The following AFDN variants were observed in gnomAD, a reference collection of about 807,000 sequenced individuals.
AFDN encodes afadin, adherens junction formation factor, also known as afadin.
AFDN carries 68 observed loss-of-function variants against 216.6 expected under a neutral mutation model. The ratio of observed to expected loss-of-function variants is 0.31; its 90% confidence interval spans 0.26 to 0.38. The LOEUF (loss-of-function observed/expected upper bound fraction) is 0.38. AFDN is among the 10% of genes least tolerant of loss of function. The probability of loss-of-function intolerance (pLI) is 1.00; values close to 1 mark genes in which losing one functional copy is unlikely to be tolerated. For synonymous variants in AFDN, 868 were observed against 853.7 expected (o/e 1.02, Z -0.29); for missense variants, 2,136 against 2,342.0 (o/e 0.91, Z 1.82).
intron 1 of AFDN, among the ~76,000 whole-genome samples, chr6:167,853,915 A>G (rs1782596651): frequency 6.6e-6 from 1 of 152,072 alleles, no homozygotes; most frequent in South Asian, 2.1e-4. Flanking sequence ...ATTTGCTTTT[A>G]TAAACATTGC....
intron 1 of AFDN, among the ~76,000 whole-genome samples, chr6:167,854,280 T>C (rs1782651482): frequency 6.6e-6 from 1 of 152,032 alleles, no homozygotes; most frequent in African/African-American, 2.4e-5. Flanking sequence ...CATTTTTCTA[T>C]TGGGTTATTG....
intron 6 of AFDN, among the ~76,000 whole-genome samples, chr6:167,888,451 A>T (rs1230174482): frequency 6.6e-6 from 1 of 152,182 alleles, no homozygotes; most frequent in Non-Finnish European, 1.5e-5. Context: ...GTTTTGGTTC[A>T]TGTTAGCAGT....
chr6:167,918,925 G>A lies in AFDN; in HGVS notation c.2900G>A (p.Cys967Tyr), dbSNP rs1041416676. The change falls in exon 21 of 34, where the codon TGC (cysteine) becomes TAC (tyrosine). Residue 967 changes from cysteine (C) to tyrosine (Y), a missense_variant. Cys to Tyr is a radical substitution (Grantham distance 194). Around this residue, in one of 8 missense-constraint regions of AFDN, gnomAD observed 162 missense variants for 182.6 expected, o/e 0.89. Transcript: ENST00000683244. ...TTACAAGAATTTTTAGACCCTCTGT[G>A]CCAGAGAGGTAAATTAGTCTAAATG... Reference protein sequence around the residue: ...NGLQEFLDPLCQRGFCRLIPH... With the variant: ...NGLQEFLDPLYQRGFCRLIPH... 9 of 1,613,278 alleles carry A rather than the reference G, an allele frequency of 5.6e-6. No individual in the cohort carries two copies. In the African/African-American group the frequency reaches 1.2e-4, roughly 22 times the overall value.
intron 32 of AFDN, among the ~76,000 whole-genome samples, chr6:167,966,542 T>C (rs1049476180): frequency 6.6e-6 from 1 of 152,222 alleles, no homozygotes; most frequent in African/African-American, 2.4e-5. Context: ...AATCAGTCCT[T>C]CTCTGTTGTT....
chr6:167,861,205 CATG>C (rs1236620253), intron 1 of AFDN, among the ~76,000 whole-genome samples: 1 of 152,164 alleles, frequency 6.6e-6, no homozygotes, highest in Non-Finnish European at 1.5e-5. Flanking sequence ...AACAGCCAAA[CATG>C]ATTGGCAAAA....
Position 167,915,391 on chromosome 6 carries a change from G to A in AFDN, c.2523G>A (p.Gly841=). 1 of 1,614,170 alleles carries A rather than the reference G, an allele frequency of 6.2e-7. No homozygotes were observed. Among genetic ancestry groups the A allele is most frequent in the Non-Finnish European group, 8.5e-7 (1 of 1,180,018 alleles). The change falls in exon 19 of 34, where the codon GGG becomes GGA. Residue 841 remains glycine, a synonymous_variant. Transcript: ENST00000683244. ...GHIEAWAEKQ[G]LELAADCHLS... Reference sequence around the variant, plus strand: ...TTGAAGCCTGGGCTGAGAAGCAGGGGCTGGAACTGGCTGCGGACTGTCATC... The same window carrying A: ...TTGAAGCCTGGGCTGAGAAGCAGGGACTGGAACTGGCTGCGGACTGTCATC...
chr6:167,839,049 AC>A (rs1307334004), intron 1 of AFDN, among the ~76,000 whole-genome samples: 5 of 151,900 alleles, frequency 3.3e-5, no homozygotes, highest in Admixed American at 6.6e-5. Context: ...AACTTCAAAA[AC>A]TTTTTTTTTT....
chr6:167,846,663 A>C (rs1457385988), intron 1 of AFDN, among the ~76,000 whole-genome samples: 1 of 151,266 alleles, frequency 6.6e-6, no homozygotes, highest in Non-Finnish European at 1.5e-5. Context: ...ACAGTAAAGA[A>C]AATAATTGAA....
At chr6:167,880,221 A>G (rs1192374730) in intron 5 of AFDN, 139 bp from the exon 6 acceptor site, 3 of 720,102 alleles carry the variant, frequency 4.2e-6, no homozygotes, top group Non-Finnish European at 6.9e-6. Context: ...AAATGAAACA[A>G]TAGTTATTAG....
At chr6:167,908,863 G>A (rs534343575) in intron 13 of AFDN, among the ~76,000 whole-genome samples, 2 of 152,138 alleles carry the variant, frequency 1.3e-5, no homozygotes, top group Non-Finnish European at 2.9e-5. Context: ...CACATGGGCA[G>A]TGTTATAATA....
intron 23 of AFDN, among the ~76,000 whole-genome samples, chr6:167,936,584 G>A (rs759739804): frequency 2.6e-5 from 4 of 151,202 alleles, no homozygotes; most frequent in African/African-American, 7.3e-5. Flanking sequence ...TTTTTTAACC[G>A]TAGGCAGTAC....
At position 167,864,430 on chromosome 6, in the gene AFDN, CAG is replaced by C. The variant is rs770872989; in HGVS notation, c.106-119_106-118del. 2.4e-5 allele frequency: 23 copies of C among 940,488 alleles called. No individual in the cohort carries two copies. The South Asian group carries it at 2.9e-4, about 12-fold the overall frequency. 58.3% of individuals were successfully genotyped at this position (940,488 alleles called of 1,614,324 possible). ...AAAACCCATCTCTCTACATTAGTCT[CAG>C]ATGTTTATGATGAAGCATTTTTTAA... On this transcript the variant is annotated intron_variant, in intron 1 of 33. Transcript: ENST00000683244.
At chr6:167,839,003 T>G (rs1008243384) in intron 1 of AFDN, among the ~76,000 whole-genome samples, 17 of 152,224 alleles carry the variant, frequency 1.1e-4, no homozygotes, top group Admixed American at 8.5e-4. Context: ...TGCCTTTAGA[T>G]TCTTGTGGCC....
intron 1 of AFDN, chr6:167,864,336 G>C (rs760839832): frequency 5.4e-6 from 4 of 741,584 alleles, no homozygotes; most frequent in South Asian, 4.1e-5. Context: ...TATTTCATAC[G>C]TGACACAGGT....
Position 167,965,772 on chromosome 6 carries a change from G to GGGTATTACAGCCGCCTGGAAGCCGAGA in AFDN, c.4987_5013dup (p.Tyr1663_Arg1671dup). 6.4e-7 allele frequency: 1 copy of GGGTATTACAGCCGCCTGGAAGCCGAGA among 1,552,616 alleles called. No individual in the cohort carries two copies. Among genetic ancestry groups the GGGTATTACAGCCGCCTGGAAGCCGAGA allele is most frequent in the Non-Finnish European group, 8.7e-7 (1 of 1,150,986 alleles). ...CCGCCCGCAGAGGCGACAGGAAGAA[G>GGGTATTACAGCCGCCTGGAAGCCGAGA]GGTATTACAGCCGCCTGGAAGCCGA... On this transcript the variant is annotated inframe_insertion, in exon 32 of 34. Coordinates refer to ENST00000683244, the MANE Select transcript of AFDN (RefSeq NM_001386888.1).
chr6:167,922,527 C>T (rs1303906426), intron 21 of AFDN, among the ~76,000 whole-genome samples: 1 of 152,088 alleles, frequency 6.6e-6, no homozygotes, highest in African/African-American at 2.4e-5. Flanking sequence ...TATTAAGGAT[C>T]TCTTAGTGTA....
intron 6 of AFDN, among the ~76,000 whole-genome samples, chr6:167,888,457 G>A (rs1787144884): frequency 6.6e-6 from 1 of 152,136 alleles, no homozygotes; most frequent in South Asian, 2.1e-4. Flanking sequence ...GTTCATGTTA[G>A]CAGTGTGTTA....
At chr6:167,848,573 C>CT (rs1441088624) in intron 1 of AFDN, among the ~76,000 whole-genome samples, 1 of 152,078 alleles carries the variant, frequency 6.6e-6, no homozygotes, top group Non-Finnish European at 1.5e-5. Flanking sequence ...TTCTTCTGTA[C>CT]TGATGTAAAA....
intron 6 of AFDN, among the ~76,000 whole-genome samples, chr6:167,882,774 A>G (rs1330931530): frequency 6.6e-6 from 1 of 152,238 alleles, no homozygotes; most frequent in Non-Finnish European, 1.5e-5. Flanking sequence ...GAATAATGGT[A>G]TAATTGCTTT....
Sources: gnomAD v4.1 joint callset for allele counts (sites outside exome capture counted in the v4.1 genomes callset) on GRCh38, gnomAD v4.1.1 for gene constraint, gnomAD v4.1.1 regional missense constraint, MANE v1.5 for transcripts, NCBI Gene and HGNC (gene_info 2026-07-23, HGNC 2026-07-21) for gene names.